Variants in PARD3B observed in about 807,000 individuals in gnomAD.
The protein encoded by PARD3B is partitioning defective 3 homolog B.
In PARD3B, 103 loss-of-function variants were observed where a neutral mutation model predicts 130.2. The observed-to-expected ratio is 0.79, with a 90% confidence interval of 0.67 to 0.93. The LOEUF is 0.93. PARD3B is among the 40% of genes least tolerant of loss of function. The pLI is 0.00. For missense variants in PARD3B, 1,609 were observed against 1,499.2 expected (o/e 1.07, Z -1.21); for synonymous variants, 583 against 553.2 (o/e 1.05, Z -0.76).
At chr2:204,721,097 G>T (rs183403677) in intron 2 of PARD3B, among the ~76,000 whole-genome samples, 144 of 152,260 alleles carry the variant, frequency 9.5e-4, no homozygotes, top group African/African-American at 3.3e-3. Context: ...TGCAAAGCAG[G>T]GTGGGGAAAG....
At chr2:205,236,185 C>T (rs921900437) in intron 15 of PARD3B, among the ~76,000 whole-genome samples, 1 of 152,154 alleles carries the variant, frequency 6.6e-6, no homozygotes, top group Non-Finnish European at 1.5e-5. Context: ...ATTAAAGAAA[C>T]TGAATTATAG....
At chr2:205,035,814 TATATATC>T (rs1559374126) in intron 3 of PARD3B, among the ~76,000 whole-genome samples, 12 of 14,890 alleles carry the variant, frequency 8.1e-4, no homozygotes, top group Admixed American at 5.3e-3. Context: ...TATATATATA[TATATATC>T]TATATATCTA....
chr2:205,498,412 G>C (rs1294131913), intron 20 of PARD3B, among the ~76,000 whole-genome samples: 1 of 151,828 alleles, frequency 6.6e-6, no homozygotes, highest in African/African-American at 2.4e-5. Context: ...TGAGACAGGA[G>C]AATTGCTTGA....
chr2:205,170,071 C>T (rs1043845969), intron 11 of PARD3B, among the ~76,000 whole-genome samples: 12 of 151,796 alleles, frequency 7.9e-5, no homozygotes, highest in African/African-American at 2.7e-4. Context: ...GCTGGGATTA[C>T]AGGCATGCAC....
At position 205,054,436 on chromosome 2, in the gene PARD3B, A is replaced by AT. The variant is rs769918623; in HGVS notation, c.504+6767dup. On this transcript the variant is annotated intron_variant, in intron 4 of 22. Transcript: ENST00000406610. The stretch of plus-strand genomic sequence containing the variant: ...TATATATATATATATATATATATAT[A>AT]TTTTTTTTTTTTTTTTTTTTTAATT... Among the ~76,000 whole-genome samples the AT allele has an allele frequency of 4.9e-4, 14 of 28,440 alleles. 1 individual carries two copies. Among genetic ancestry groups the AT allele is most frequent in the East Asian group, 2.1e-3 (1 of 480 alleles). The allele number at this position is 28,440 out of a possible 152,430, so 18.7% of individuals were successfully genotyped here.
At chr2:205,535,724 C>G (rs1454430667) in intron 21 of PARD3B, among the ~76,000 whole-genome samples, 1 of 152,198 alleles carries the variant, frequency 6.6e-6, no homozygotes, top group African/African-American at 2.4e-5. Flanking sequence ...ATTTCCTCTT[C>G]CTGTGCAAAG....
chr2:204,545,865 G>A lies in PARD3B; in HGVS notation c.-135G>A, dbSNP rs2029888260. 3 of 991,856 alleles carry A rather than the reference G, an allele frequency of 3.0e-6. No homozygotes were observed. Among genetic ancestry groups the A allele is most frequent in the Non-Finnish European group, 4.1e-6 (3 of 725,214 alleles). 61.4% of individuals were successfully genotyped at this position (991,856 alleles called of 1,614,324 possible). On this transcript the variant is annotated 5_prime_UTR_variant, in exon 1 of 23. Transcript: ENST00000406610. ...AAGGGGCGCTGCCGCGAGCCTCCGG[G>A]CCTCAGGGTGTTCCGGGGAGCGGCG...
chr2:204,746,123 C>G (rs2040215833), intron 2 of PARD3B, among the ~76,000 whole-genome samples: 1 of 90,212 alleles, frequency 1.1e-5, no homozygotes, highest in Non-Finnish European at 2.0e-5. Context: ...TAATGCTATC[C>G]CTCCCCCCTC....
intron 2 of PARD3B, among the ~76,000 whole-genome samples, chr2:204,745,815 T>C (rs1186816321): frequency 1.3e-5 from 2 of 152,132 alleles, no homozygotes; most frequent in Admixed American, 6.6e-5. Context: ...CAGGTATGTC[T>C]GTCTCTAAGG....
At chr2:205,334,591 C>A (rs1369949790) in intron 18 of PARD3B, among the ~76,000 whole-genome samples, 1 of 152,160 alleles carries the variant, frequency 6.6e-6, no homozygotes, top group Non-Finnish European at 1.5e-5. Context: ...AGATAGAGCC[C>A]AGACAGTTTC....
At chr2:204,993,803 C>G (rs1693918667) in intron 3 of PARD3B, among the ~76,000 whole-genome samples, 1 of 150,302 alleles carries the variant, frequency 6.7e-6, no homozygotes, top group Admixed American at 6.6e-5. Flanking sequence ...CTGGTTTAGT[C>G]TTGGGAGATT....
At chr2:204,634,495 T>C (rs1408188470) in intron 1 of PARD3B, among the ~76,000 whole-genome samples, 1 of 152,196 alleles carries the variant, frequency 6.6e-6, no homozygotes, top group Non-Finnish European at 1.5e-5. Flanking sequence ...GACCATGCAT[T>C]GCAGGTGAGT....
chr2:205,112,050 T>A (rs1217507607), intron 5 of PARD3B, among the ~76,000 whole-genome samples: 1 of 152,054 alleles, frequency 6.6e-6, no homozygotes, highest in Non-Finnish European at 1.5e-5. Context: ...TACATATGAG[T>A]GTTCATATCC....
chr2:205,167,242 A>ACC (rs939765444), intron 11 of PARD3B, among the ~76,000 whole-genome samples: 1 of 151,928 alleles, frequency 6.6e-6, no homozygotes, highest in Admixed American at 6.6e-5. Context: ...AGGTCATTGC[A>ACC]CCCCCCAGCA....
chr2:205,327,713 G>C (rs187188222), intron 18 of PARD3B, among the ~76,000 whole-genome samples: 4 of 152,166 alleles, frequency 2.6e-5, no homozygotes, highest in Admixed American at 6.5e-5. Context: ...CAAACAAAGA[G>C]AAAGAGAGGA....
chr2:204,748,899 A>C (rs2125382322), intron 2 of PARD3B, among the ~76,000 whole-genome samples: 1 of 152,282 alleles, frequency 6.6e-6, no homozygotes, highest in African/African-American at 2.4e-5. Context: ...TAGTTTTGAC[A>C]GTAAATCTGA....
chr2:204,717,385 G>A lies in PARD3B; in HGVS notation c.222+31103G>A, dbSNP rs2038781037. Reference sequence around the variant, plus strand: ...CTCCTAATTGAATCCACTTGCAAATGCTAGGTAAGAAAATGCCATTTGAGT... The same window carrying A: ...CTCCTAATTGAATCCACTTGCAAATACTAGGTAAGAAAATGCCATTTGAGT... On this transcript the variant is annotated intron_variant, in intron 2 of 22. Transcript: ENST00000406610. Among the ~76,000 whole-genome samples the A allele has an allele frequency of 3.3e-5, 5 of 152,130 alleles. No individual in the cohort carries two copies. The South Asian group carries it at 1.0e-3, about 32-fold the overall frequency.
At chr2:204,639,708 G>T (rs752541238) in intron 1 of PARD3B, among the ~76,000 whole-genome samples, 2 of 152,164 alleles carry the variant, frequency 1.3e-5, no homozygotes, top group Non-Finnish European at 2.9e-5. Flanking sequence ...AGTATCTGTG[G>T]ATTTTAGTGT....
intron 2 of PARD3B, among the ~76,000 whole-genome samples, chr2:204,872,274 T>TTA (rs900756768): frequency 5.3e-5 from 8 of 151,970 alleles, no homozygotes; most frequent in African/African-American, 1.4e-4. Context: ...GGATAGATAG[T>TTA]TATATATATA....
Sources: gnomAD v4.1 joint callset for allele counts (sites outside exome capture counted in the v4.1 genomes callset) on GRCh38, gnomAD v4.1.1 for gene constraint, MANE v1.5 for transcripts, NCBI Gene and HGNC (gene_info 2026-07-23, HGNC 2026-07-21) for gene names.